Variants in TRDMT1 observed in about 807,000 individuals in gnomAD.
TRDMT1 encodes tRNA aspartic acid methyltransferase 1, also known as tRNA (cytosine(38)-C(5))-methyltransferase.
A neutral mutation model predicts 51.2 loss-of-function variants in TRDMT1; 49 were observed. The ratio of observed to expected loss-of-function variants is 0.96; its 90% CI spans 0.76 to 1.21. The LOEUF (loss-of-function observed/expected upper bound fraction) is 1.21, where lower values mean the gene tolerates loss of function less well. Ranked by LOEUF, TRDMT1 falls within the 50% of genes most tolerant of loss-of-function variation. The probability of loss-of-function intolerance (pLI) is 0.00; values close to 1 mark genes in which losing one functional copy is unlikely to be tolerated. For missense variants in TRDMT1, 534 were observed against 462.3 expected, an observed-to-expected ratio of 1.16 and a Z score of -1.42; for synonymous variants, 187 against 164.6, an observed-to-expected ratio of 1.14 and a Z score of -1.04.
intron 3 of TRDMT1, among the ~76,000 whole-genome samples, chr10:17,164,385 A>G (rs1840865971): frequency 1.3e-5 from 2 of 152,250 alleles, no homozygotes; most frequent in Admixed American, 6.5e-5. Context: ...AATAAGAGCT[A>G]TCTATGACAA....
intron 1 of TRDMT1, among the ~76,000 whole-genome samples, chr10:17,181,102 A>G (rs994515488): frequency 6.6e-6 from 1 of 152,156 alleles, no homozygotes; most frequent in Non-Finnish European, 1.5e-5. Flanking sequence ...GCACCCTGCT[A>G]AAAGGATATC....
chr10:17,149,241 G>T, intron 10 of TRDMT1, 101 bp from the exon 11 acceptor site: 1 of 859,654 alleles, frequency 1.2e-6, no homozygotes, highest in Non-Finnish European at 1.8e-6. Context: ...CATTTCATAA[G>T]TAAATCACTA....
rs1839259656 is a variant in TRDMT1 at position 17,154,705 on chromosome 10, G to C, written c.917C>G (p.Ser306Cys). 6.2e-7 allele frequency: 1 copy of C among 1,605,986 alleles called. No individual in the cohort carries two copies. Among genetic ancestry groups the C allele is most frequent in the African/African-American group, 1.3e-5 (1 of 74,592 alleles). Residue 306 changes from serine to cysteine, a missense_variant, in exon 9 of 11, where the codon TCT becomes TGT. Physicochemically the swap from Ser to Cys is moderately radical, Grantham distance 112. Coordinates refer to ENST00000377799, the MANE Select transcript of TRDMT1 (RefSeq NM_004412.7). The stretch of plus-strand genomic sequence containing the variant: ...CACATCCTCTGCAGTCTGTAACACA[G>C]ACCCTGTCCCTTCTATGTAGCTTCC... ...GYGSYIEGTG[S>C]VLQTAEDVQV...
intron 1 of TRDMT1, among the ~76,000 whole-genome samples, chr10:17,189,412 T>A (rs1370525838): frequency 1.3e-5 from 2 of 152,176 alleles, no homozygotes; most frequent in African/African-American, 4.8e-5. Context: ...AAATGGTAGA[T>A]TCACAGCTTT....
At chr10:17,191,588 G>C (rs1342026485) in intron 1 of TRDMT1, among the ~76,000 whole-genome samples, 2 of 152,178 alleles carry the variant, frequency 1.3e-5, no homozygotes, top group Non-Finnish European at 2.9e-5. Flanking sequence ...AGCCAGGCTG[G>C]ATGGGATGAC....
At position 17,138,099 on chromosome 10, in the gene TRDMT1, C is replaced by T. The variant is rs1034145728; in HGVS notation, c.*10941G>A. On this transcript the variant is annotated 3_prime_UTR_variant, in exon 11 of 11. Transcript: ENST00000377799. ...AGGAGAGGGTTGAGATGCAGAGGTG[C>T]GTTGGAGGATGGACAAATTGGCAAG... 2.6e-4 allele frequency among the ~76,000 whole-genome samples: 39 copies of T among 152,192 alleles called. No homozygotes were observed. The highest frequency in any genetic ancestry group is 8.9e-4 in the African/African-American group (37 of 41,524).
chr10:17,188,506 A>C (rs1844242936), intron 1 of TRDMT1, among the ~76,000 whole-genome samples: 1 of 152,140 alleles, frequency 6.6e-6, no homozygotes, highest in Non-Finnish European at 1.5e-5. Context: ...AAAACAACGA[A>C]TCCCTGCTCC....
rs182390628 is a variant in TRDMT1, at chr10:17,171,665, G to A, written c.175-2748C>T. 5.3e-5 allele frequency: 8 copies of A among 152,290 alleles called. No homozygotes were observed. The East Asian group carries it at 1.5e-3, about 29-fold the overall frequency. The allele number at this position is 152,290 out of a possible 1,614,324, so 9.4% of individuals were successfully genotyped here. On this transcript the variant is annotated intron_variant, in intron 2 of 10. Transcript: ENST00000377799. ...ATTGATAGTTTCATTTATCTGCAAA[G>A]ACATATTTTTTGTGTCTCACTGCCT...
intron 2 of TRDMT1, chr10:17,171,986 T>A (rs1842092913): frequency 6.0e-6 from 1 of 167,052 alleles, no homozygotes; most frequent in Non-Finnish European, 1.5e-5. Context: ...CACGGATCAC[T>A]CTGTCTTCGG....
intron 1 of TRDMT1, among the ~76,000 whole-genome samples, chr10:17,192,462 G>A (rs1048473196): frequency 1.3e-5 from 2 of 152,194 alleles, no homozygotes; most frequent in African/African-American, 4.8e-5. Flanking sequence ...TATAGCCCTG[G>A]CGCATCTTTT....
chr10:17,153,680 T>C, intron 9 of TRDMT1, 44 bp from the exon 10 acceptor site: 1 of 1,519,750 alleles, frequency 6.6e-7, no homozygotes, highest in Non-Finnish European at 8.8e-7. Flanking sequence ...AATGTGCAAC[T>C]AGATTTAAGA....
intron 3 of TRDMT1, among the ~76,000 whole-genome samples, chr10:17,165,553 A>C (rs1257365405): frequency 6.6e-6 from 1 of 152,236 alleles, no homozygotes; most frequent in Non-Finnish European, 1.5e-5. Flanking sequence ...TCTGCACAGC[A>C]AAAGAAACTA....
At chr10:17,192,046 G>C (rs934309990) in intron 1 of TRDMT1, among the ~76,000 whole-genome samples, 4 of 152,166 alleles carry the variant, frequency 2.6e-5, no homozygotes, top group Admixed American at 2.0e-4. Context: ...CAGGCCAGGA[G>C]GCAGGTGGGG....
intron 3 of TRDMT1, among the ~76,000 whole-genome samples, chr10:17,166,466 A>G (rs1841226039): frequency 6.6e-6 from 1 of 152,152 alleles, no homozygotes; most frequent in Admixed American, 6.5e-5. Flanking sequence ...ACACGTATAC[A>G]TATGTAACAA....
intron 2 of TRDMT1, among the ~76,000 whole-genome samples, chr10:17,173,478 T>C (rs549739062): frequency 2.6e-5 from 4 of 152,246 alleles, no homozygotes; most frequent in East Asian, 1.9e-4. Flanking sequence ...TGTGATATAC[T>C]AGGAAGGGAA....
chr10:17,157,442 C>G lies in TRDMT1; in HGVS notation c.886G>C (p.Gly296Arg). The change falls in exon 8 of 11, where the codon GGA becomes CGA. Residue 296 changes from glycine to arginine, a missense_variant and splice_region_variant. By Grantham distance (125) the Gly-to-Arg change is moderately radical. Transcript: ENST00000377799. Reference sequence around the variant, plus strand: ...GATCAATAGATCTTTAAAACCTACCCTTTGGTAAAGCACACGGACCTTCTA... The same window carrying G: ...GATCAATAGATCTTTAAAACCTACCGTTTGGTAAAGCACACGGACCTTCTA... ...TCRRSVCFTK[G>R]YGSYIEGTGS... is the part of the protein sequence containing the mutation. 6.3e-7 allele frequency: 1 copy of G among 1,592,958 alleles called. No individual in the cohort carries two copies. Among genetic ancestry groups the G allele is most frequent in the Non-Finnish European group, 8.6e-7 (1 of 1,166,294 alleles).
chr10:17,169,606 T>C (rs1841697380), intron 2 of TRDMT1: 21 of 996,216 alleles, frequency 2.1e-5, no homozygotes, highest in Non-Finnish European at 2.8e-5. Context: ...TTAAGCACTC[T>C]CAGTGCACAT....
chr10:17,201,603 C>G lies in TRDMT1; in HGVS notation c.32G>C (p.Ser11Thr). The change falls in exon 1 of 11, where the codon AGC becomes ACC. Residue 11 changes from serine to threonine, a missense_variant. Transcript: ENST00000377799. MEPLRVLELY[S>T]GVGGMHHALR... ...CGCGTGGTGCATGCCGCCCACGCCG[C>G]TGTATAGCTCCAGCACCCGCAGGGG... 8.4e-6 allele frequency: 13 copies of G among 1,548,464 alleles called. No individual in the cohort carries two copies. The highest frequency in any genetic ancestry group is 1.1e-5 in the Non-Finnish European group (13 of 1,145,792).
chr10:17,149,910 T>G (rs1838466641), intron 10 of TRDMT1, among the ~76,000 whole-genome samples: 1 of 152,220 alleles, frequency 6.6e-6, no homozygotes, highest in Admixed American at 6.5e-5. Flanking sequence ...TGTATCTACT[T>G]TTTTGGCTGT....
Sources: allele counts gnomAD v4.1 joint callset (sites outside exome capture counted in the v4.1 genomes callset), GRCh38; gene constraint gnomAD v4.1.1; transcripts MANE v1.5; gene names NCBI Gene and HGNC (gene_info 2026-07-23, HGNC 2026-07-21).